The following KIF6 variants were observed in gnomAD, a reference collection of about 807,000 sequenced individuals.
KIF6 encodes the protein kinesin-like protein KIF6.
Under a neutral mutation model 112.7 loss-of-function variants are expected in KIF6, and 106 were observed. That is an observed-to-expected ratio of 0.94 (90% CI 0.80 to 1.11). KIF6 has a LOEUF of 1.11. KIF6 is among the 50% of genes least tolerant of loss of function. KIF6 has a pLI of 0.00. For missense variants in KIF6, 929 were observed against 964.0 expected (o/e 0.96, Z 0.48); for synonymous variants, 339 against 339.9 (o/e 1.00, Z 0.03).
At chr6:39,497,937 G>T (rs1218725221) in intron 13 of KIF6, among the ~76,000 whole-genome samples, 1 of 152,066 alleles carries the variant, frequency 6.6e-6, no homozygotes. Context: ...CATCTTTAAA[G>T]AAACGTTCTG....
At chr6:39,620,576 A>G (rs1238986047) in intron 5 of KIF6, 2 of 152,272 alleles carry the variant, frequency 1.3e-5, no homozygotes, top group East Asian at 3.9e-4. Flanking sequence ...AGCATAATAC[A>G]TGCTTCTTGT....
At chr6:39,636,780 G>T (rs901235074) in intron 4 of KIF6, among the ~76,000 whole-genome samples, 7 of 151,982 alleles carry the variant, frequency 4.6e-5, no homozygotes. Context: ...ATAACCCAGA[G>T]ATTATGATTT....
At chr6:39,508,288 G>A (rs780059555) in intron 13 of KIF6, among the ~76,000 whole-genome samples, 10 of 152,034 alleles carry the variant, frequency 6.6e-5, no homozygotes, top group Non-Finnish European at 1.2e-4. Flanking sequence ...AGCTCCCAGC[G>A]AGACTGACAC....
chr6:39,474,979 C>G (rs1434913220), intron 13 of KIF6, among the ~76,000 whole-genome samples: 1 of 152,202 alleles, frequency 6.6e-6, no homozygotes, highest in East Asian at 1.9e-4. Flanking sequence ...GGTCCTGTTG[C>G]TGAAGGTGAG....
chr6:39,376,887 G>T (rs965673702), intron 16 of KIF6, among the ~76,000 whole-genome samples: 1 of 152,158 alleles, frequency 6.6e-6, no homozygotes, highest in African/African-American at 2.4e-5. Context: ...GAAAAAAAAA[G>T]ATCTGAAGTT....
chr6:39,602,817 C>A (rs945077057), intron 6 of KIF6, among the ~76,000 whole-genome samples: 2 of 152,124 alleles, frequency 1.3e-5, no homozygotes, highest in Non-Finnish European at 2.9e-5. Flanking sequence ...CTAGAATGTC[C>A]TCTAGCTTAT....
chr6:39,692,381 CTCACTTTTAAACAA>C (rs1414042862), intron 3 of KIF6, among the ~76,000 whole-genome samples: 2 of 152,202 alleles, frequency 1.3e-5, no homozygotes, highest in African/African-American at 4.8e-5. Flanking sequence ...CTTGTCTGTA[CTCACTTTTAAACAA>C]TCACCTAACT....
At chr6:39,705,503 C>T (rs868114953) in intron 3 of KIF6, among the ~76,000 whole-genome samples, 1 of 152,340 alleles carries the variant, frequency 6.6e-6, no homozygotes, top group Admixed American at 6.5e-5. Flanking sequence ...AAGGATCATC[C>T]TCTATCTGCC....
intron 3 of KIF6, among the ~76,000 whole-genome samples, chr6:39,672,281 T>C (rs577460916): frequency 7.2e-5 from 11 of 152,294 alleles, no homozygotes; most frequent in African/African-American, 2.6e-4. Flanking sequence ...CACGCCCAGC[T>C]AGAAACTTAA....
intron 3 of KIF6, among the ~76,000 whole-genome samples, chr6:39,642,306 C>G (rs1160770257): frequency 1.3e-5 from 2 of 152,156 alleles, no homozygotes; most frequent in African/African-American, 4.8e-5. Flanking sequence ...GTAAGACAAA[C>G]AGCTAAACTC....
intron 13 of KIF6, among the ~76,000 whole-genome samples, chr6:39,432,773 G>A (rs1771251814): frequency 6.6e-6 from 1 of 152,154 alleles, no homozygotes. Context: ...CCCTGTCCGG[G>A]TCTGCACCCA....
At chr6:39,508,530 T>C (rs1384323899) in intron 13 of KIF6, among the ~76,000 whole-genome samples, 1 of 152,064 alleles carries the variant, frequency 6.6e-6, no homozygotes, top group African/African-American at 2.4e-5. Flanking sequence ...TTTCCCACAG[T>C]CTTTGCAAAT....
intron 3 of KIF6, among the ~76,000 whole-genome samples, chr6:39,711,688 A>G (rs2113869530): frequency 6.6e-6 from 1 of 152,330 alleles, no homozygotes; most frequent in East Asian, 1.9e-4. Flanking sequence ...GAGGATGATT[A>G]CCAAAAGGAA....
intron 3 of KIF6, among the ~76,000 whole-genome samples, chr6:39,644,574 G>A (rs1417898420): frequency 6.6e-6 from 1 of 152,120 alleles, no homozygotes; most frequent in Non-Finnish European, 1.5e-5. Context: ...ATGATATATT[G>A]TGATTCTATT....
chr6:39,633,583 A>G (rs1193844417), intron 5 of KIF6, among the ~76,000 whole-genome samples: 1 of 152,178 alleles, frequency 6.6e-6, no homozygotes, highest in Non-Finnish European at 1.5e-5. Flanking sequence ...AGAAAAAGTG[A>G]TTTCAGTATT....
intron 3 of KIF6, among the ~76,000 whole-genome samples, chr6:39,682,213 C>T (rs1195687820): frequency 6.6e-6 from 1 of 152,184 alleles, no homozygotes; most frequent in Non-Finnish European, 1.5e-5. Flanking sequence ...GTGATACATT[C>T]TGTGAAATCC....
At chr6:39,723,120 A>G (rs1011046470) in intron 1 of KIF6, among the ~76,000 whole-genome samples, 2 of 152,216 alleles carry the variant, frequency 1.3e-5, no homozygotes, top group Non-Finnish European at 2.9e-5. Context: ...CACTTTTTAC[A>G]TATGATGCAC....
rs561060930 is a variant in KIF6 at position 39,464,127 on chromosome 6, C to A, written c.1646-32966G>T. ...CCAAAAGCAGCAGGAGAAGAGCTTGCAGATGGTGGCCACATCTGACCGTTG... is the reference window on the plus strand; with the variant it reads ...CCAAAAGCAGCAGGAGAAGAGCTTGAAGATGGTGGCCACATCTGACCGTTG... On this transcript the variant is annotated intron_variant, in intron 13 of 22. Transcript: ENST00000287152. Among the ~76,000 whole-genome samples, 4 of 152,206 alleles carry A rather than the reference C, an allele frequency of 2.6e-5. No homozygotes were observed. The East Asian group carries it at 5.8e-4, about 22-fold the overall frequency.
At chr6:39,346,049 G>GCTCTCTCTCTCTCTCTCTCTCTCT (rs1203700665) in intron 20 of KIF6, among the ~76,000 whole-genome samples, 1 of 28,994 alleles carries the variant, frequency 3.4e-5, no homozygotes, top group Non-Finnish European at 6.5e-5. Context: ...AAACTACAGT[G>GCTCTCTCTCTCTCTCTCTCTCTCT]CTCTCTCTCT....
Sources: allele counts gnomAD v4.1 joint callset (sites outside exome capture counted in the v4.1 genomes callset), GRCh38; gene constraint gnomAD v4.1.1; transcripts MANE v1.5; gene names NCBI Gene and HGNC (gene_info 2026-07-23, HGNC 2026-07-21).